Variants in REEP6 observed in about 807,000 individuals in gnomAD.
The protein encoded by REEP6 is receptor accessory protein 6.
A neutral mutation model predicts 22.4 loss-of-function variants in REEP6; 19 were observed. The ratio of observed to expected loss-of-function variants is 0.85; its 90% CI spans 0.59 to 1.25. REEP6 has a LOEUF of 1.25. Among genes scored for constraint, REEP6 ranks in the 50% most tolerant of loss-of-function variants. REEP6 has a pLI of 0.00. For synonymous variants in REEP6, 121 were observed against 113.6 expected, an observed-to-expected ratio of 1.06 and a Z score of -0.41; for missense variants, 273 against 251.9, an observed-to-expected ratio of 1.08 and a Z score of -0.57.
rs751049885 is a variant in REEP6 at position 1,491,546 on chromosome 19, C to T, written c.115+162C>T. Among the ~76,000 whole-genome samples, 18 of 152,258 alleles carry T rather than the reference C, an allele frequency of 1.2e-4. No individual in the cohort carries two copies. In the East Asian group the frequency reaches 2.5e-3, roughly 21 times the overall value. On this transcript the variant is annotated intron_variant, in intron 1 of 4. Coordinates refer to ENST00000233596, the MANE Select transcript of REEP6 (RefSeq NM_138393.4). This position sits in a 1 kb window ranked among gnomAD's most constrained non-coding sequence, Gnocchi z 5.4. ...GTCCGCCCGCAGCCCTTCCCTTGCC[C>T]GCGCCCTGCGACCCTGCTCCCGGGC...
At chr19:1,496,621 G>C (rs1228055760) in intron 4 of REEP6, 168 bp downstream of exon 4, 1 of 911,668 alleles carries the variant, frequency 1.1e-6, no homozygotes. Flanking sequence ...AGCCGGGCAG[G>C]CATCACCCCG....
Position 1,496,776 on chromosome 19 carries a change from T to G in REEP6, c.517+323T>G. 3 of 605,150 alleles carry G rather than the reference T, an allele frequency of 5.0e-6. No homozygotes were observed. In the South Asian group the frequency reaches 5.0e-5, roughly 10 times the overall value. 37.5% of individuals were successfully genotyped at this position (605,150 alleles called of 1,614,324 possible). On this transcript the variant is annotated intron_variant, in intron 4 of 4. Coordinates refer to ENST00000233596, the MANE Select transcript of REEP6 (RefSeq NM_138393.4). ...TGCTGTGTGCACATGTATTATTGTG[T>G]GTGCATGTTTTGTCATGTGCAAGAG... is the stretch of plus-strand genomic sequence containing the variant.
In REEP6 at chr19:1,496,631, G is replaced by A. The variant is rs112756320; in HGVS notation, c.517+178G>A. 6,926 of 850,348 alleles carry A rather than the reference G, an allele frequency of 8.1e-3. 386 individuals are homozygous for A. The African/African-American group carries it at 0.11, about 13-fold the overall frequency. The allele number at this position is 850,348 out of a possible 1,614,324, so 52.7% of individuals were successfully genotyped here. A position where few individuals can be genotyped will look rare whatever the true frequency, so the allele number is the denominator to read the frequency against. On this transcript the variant is annotated intron_variant, in intron 4 of 4. Coordinates refer to ENST00000233596, the MANE Select transcript of REEP6 (RefSeq NM_138393.4). The stretch of plus-strand genomic sequence containing the variant: ...CCCGTAGCCGGGCAGGCATCACCCC[G>A]GTGGCTGTGGCCGGGCCCTCCACTC...
chr19:1,492,315 CGG>C (rs2145472975), intron 1 of REEP6, among the ~76,000 whole-genome samples: 1 of 152,144 alleles, frequency 6.6e-6, no homozygotes, highest in South Asian at 2.1e-4. Flanking sequence ...CATGGTGAAA[CGG>C]GGTTTCACCA....
Position 1,491,367 on chromosome 19 carries a change from A to C in REEP6, c.98A>C (p.Lys33Thr). ...CTGGAGGCCAAGACCGGGGTGGAGA[A>C]GCGGTATCTGGCTGCAGGTGAGCCG... ...GALEAKTGVEKRYLAAGAVTL... is the reference protein window; with the variant it reads ...GALEAKTGVETRYLAAGAVTL... The change falls in exon 1 of 5, where the codon AAG becomes ACG. Residue 33 changes from lysine to threonine, a missense_variant. Lys to Thr is a moderately conservative substitution (Grantham distance 78). Coordinates refer to ENST00000233596, the MANE Select transcript of REEP6 (RefSeq NM_138393.4). This position sits in a 1 kb window ranked among gnomAD's most constrained non-coding sequence, Gnocchi z 5.4. 3.4e-6 allele frequency: 5 copies of C among 1,468,146 alleles called. No homozygotes were observed. Among genetic ancestry groups the C allele is most frequent in the Non-Finnish European group, 4.5e-6 (5 of 1,110,466 alleles). 90.9% of individuals were successfully genotyped at this position (1,468,146 alleles called of 1,614,324 possible). A position where few individuals can be genotyped will look rare whatever the true frequency, so the allele number is the denominator to read the frequency against.
chr19:1,497,544 A>G lies in REEP6; in HGVS notation c.*333A>G, dbSNP rs1050017. The G allele has an allele frequency of 0.39, 239,927 of 608,292 alleles. 49,951 individuals are homozygous for G. The highest frequency in any genetic ancestry group is 0.65 in the African/African-American group (35,412 of 54,628). The allele number at this position is 608,292 out of a possible 1,614,324, so 37.7% of individuals were successfully genotyped here. ...CACCCAGCCGCCTGGTACTTCCTCC[A>G]GCCCCTCCCAGTCAGCCCTCCCGTC... On this transcript the variant is annotated 3_prime_UTR_variant, in exon 5 of 5. Coordinates refer to ENST00000233596, the MANE Select transcript of REEP6 (RefSeq NM_138393.4). The surrounding 1 kb of genome is among the most constrained non-coding windows in gnomAD (Gnocchi z 6.5).
At chr19:1,492,789 C>G (rs1489052511) in intron 1 of REEP6, among the ~76,000 whole-genome samples, 1 of 152,216 alleles carries the variant, frequency 6.6e-6, no homozygotes, top group Non-Finnish European at 1.5e-5. Context: ...AGCGCCAGAA[C>G]AGTCTGAAGT....
intron 1 of REEP6, among the ~76,000 whole-genome samples, chr19:1,493,750 C>T (rs1459099508): frequency 6.7e-6 from 1 of 148,370 alleles, no homozygotes; most frequent in Non-Finnish European, 1.5e-5. Flanking sequence ...TCTGAACACC[C>T]TCCTTGCTGG....
Position 1,497,376 on chromosome 19 carries a change from AAGTCCC to A in REEP6, c.*177_*182del, listed in dbSNP as rs760024961. 1.8e-5 allele frequency: 13 copies of A among 741,504 alleles called. No individual in the cohort carries two copies. The highest frequency in any genetic ancestry group is 3.2e-5 in the Non-Finnish European group (13 of 408,460). The allele number at this position is 741,504 out of a possible 1,614,324, so 45.9% of individuals were successfully genotyped here. On this transcript the variant is annotated 3_prime_UTR_variant, in exon 5 of 5. Coordinates refer to ENST00000233596, the MANE Select transcript of REEP6 (RefSeq NM_138393.4). The surrounding 1 kb of genome is among the most constrained non-coding windows in gnomAD (Gnocchi z 6.5). ...GGTCTCCTTAAATGCCACCTCGGGCAAGTCCCAGTCCCAGTCCTCGGCCACCCCCAG... is the reference window on the plus strand; with the variant it reads ...GGTCTCCTTAAATGCCACCTCGGGCAAGTCCCAGTCCTCGGCCACCCCCAG...
In REEP6 at chr19:1,497,085, T is replaced by C. The variant is rs1379108001; in HGVS notation, c.518-89T>C. 4 of 1,110,172 alleles carry C rather than the reference T, an allele frequency of 3.6e-6. No homozygotes were observed. Among genetic ancestry groups the C allele is most frequent in the Non-Finnish European group, 5.0e-6 (4 of 797,326 alleles). The allele number at this position is 1,110,172 out of a possible 1,614,324, so 68.8% of individuals were successfully genotyped here. On this transcript the variant is annotated intron_variant, in intron 4 of 4. Transcript: ENST00000233596. The surrounding 1 kb of genome is among the most constrained non-coding windows in gnomAD (Gnocchi z 6.5). ...CCGGCCCCTCGACTTGTCATGCTCATAGCCAGTAGCCTCAGTCCCGCCTGC... is the reference window on the plus strand; with the variant it reads ...CCGGCCCCTCGACTTGTCATGCTCACAGCCAGTAGCCTCAGTCCCGCCTGC...
chr19:1,496,329 G>C lies in REEP6; in HGVS notation c.393G>C (p.Gly131=). The C allele has an allele frequency of 6.2e-7, 1 of 1,612,312 alleles. No homozygotes were observed. The highest frequency in any genetic ancestry group is 8.5e-7 in the Non-Finnish European group (1 of 1,179,544). ...GCATGGCTCCCAGGCCCTGGAACGG[G>C]GCTCTCATGCTGTATCAGCGCGTCG... is the stretch of plus-strand genomic sequence containing the variant. ...LFCMAPRPWN[G]ALMLYQRVVR... Residue 131 remains glycine, a synonymous_variant, in exon 4 of 5, where the codon GGG becomes GGC. Transcript: ENST00000233596.
intron 3 of REEP6, 64 bp from the exon 4 acceptor site, chr19:1,496,221 C>T (rs1478314046): frequency 1.3e-5 from 20 of 1,533,954 alleles, no homozygotes; most frequent in Non-Finnish European, 1.7e-5. Context: ...GTGGTGCAGC[C>T]CCTCTCCCCA....
chr19:1,495,505 C>T lies in REEP6; in HGVS notation c.246C>T (p.Asp82=). Residue 82 remains aspartate, a synonymous_variant, in exon 3 of 5, where the codon GAC becomes GAT. Transcript: ENST00000233596. ...TCGAGAGCCCAAGCAAGGACGACGACACTGTGTGGCTCACCTACTGGGTGG... is the reference window on the plus strand; with the variant it reads ...TCGAGAGCCCAAGCAAGGACGACGATACTGTGTGGCTCACCTACTGGGTGG... ...KAIESPSKDD[D]TVWLTYWVVY... 3 of 1,614,102 alleles carry T rather than the reference C, an allele frequency of 1.9e-6. No homozygotes were observed. Among genetic ancestry groups the T allele is most frequent in the Non-Finnish European group, 2.5e-6 (3 of 1,180,016 alleles).
Position 1,497,144 on chromosome 19 carries a change from G to GGGCCC in REEP6, c.518-30_518-29insGGCCC. ...CCGGGGAGCCCAGGCCTGCCTCACG[G>GGGCCC]CCCTCCCCCACCCGCCCCTCTCTCT... On this transcript the variant is annotated intron_variant, in intron 4 of 4. Transcript: ENST00000233596. This position sits in a 1 kb window ranked among gnomAD's most constrained non-coding sequence, Gnocchi z 6.5. 8 of 1,328,116 alleles carry GGGCCC rather than the reference G, an allele frequency of 6.0e-6. No homozygotes were observed. The highest frequency in any genetic ancestry group is 1.6e-5 in the South Asian group (1 of 63,936). 82.3% of individuals were successfully genotyped at this position (1,328,116 alleles called of 1,614,324 possible).
Position 1,497,158 on chromosome 19 carries a change from G to GCC in REEP6, c.518-13_518-12dup. 3 of 755,930 alleles carry GCC rather than the reference G, an allele frequency of 4.0e-6. No homozygotes were observed. Among genetic ancestry groups the GCC allele is most frequent in the Non-Finnish European group, 5.6e-6 (3 of 535,378 alleles). 46.8% of individuals were successfully genotyped at this position (755,930 alleles called of 1,614,324 possible). A position where few individuals can be genotyped will look rare whatever the true frequency, so the allele number is the denominator to read the frequency against. On this transcript the variant is annotated splice_polypyrimidine_tract_variant and intron_variant, in intron 4 of 4. Transcript: ENST00000233596. The surrounding 1 kb of genome is among the most constrained non-coding windows in gnomAD (Gnocchi z 6.5). ...CCTGCCTCACGGCCCTCCCCCACCC[G>GCC]CCCCTCTCTCTGCAGTCAAGCCAAG...
At chr19:1,494,741 A>C (rs749490869) in intron 1 of REEP6, among the ~76,000 whole-genome samples, 11 of 151,962 alleles carry the variant, frequency 7.2e-5, no homozygotes, top group Non-Finnish European at 1.3e-4. Context: ...CTGGAGTGCA[A>C]CGGCGCGATC....
chr19:1,492,385 C>A (rs996489842), intron 1 of REEP6, among the ~76,000 whole-genome samples: 1 of 152,134 alleles, frequency 6.6e-6, no homozygotes, highest in Non-Finnish European at 1.5e-5. Context: ...CCTCGGCCTC[C>A]CAAACTGCTG....
Position 1,496,243 on chromosome 19 carries a change from G to C in REEP6, c.349-42G>C, listed in dbSNP as rs745841811. On this transcript the variant is annotated intron_variant, in intron 3 of 4. Coordinates refer to ENST00000233596, the MANE Select transcript of REEP6 (RefSeq NM_138393.4). ...AGCCCCTCTCCCCACCAGGGGCACAGAGCTGGGTGGGCCCGCGTGTAACTC... is the reference window on the plus strand; with the variant it reads ...AGCCCCTCTCCCCACCAGGGGCACACAGCTGGGTGGGCCCGCGTGTAACTC... 3 of 1,574,046 alleles carry C rather than the reference G, an allele frequency of 1.9e-6. No homozygotes were observed. The South Asian group carries it at 3.4e-5, about 18-fold the overall frequency.
chr19:1,496,176 G>A, intron 3 of REEP6, 109 bp from the exon 4 acceptor site: 1 of 1,318,744 alleles, frequency 7.6e-7, no homozygotes, highest in Non-Finnish European at 1.0e-6. Context: ...TGATGGTGGA[G>A]ACCCAGTGCC....
Sources: gnomAD v4.1 joint callset for allele counts (sites outside exome capture counted in the v4.1 genomes callset) on GRCh38, gnomAD v4.1.1 for gene constraint, Gnocchi (gnomAD v3.1) non-coding constraint, MANE v1.5 for transcripts, NCBI Gene and HGNC (gene_info 2026-07-23, HGNC 2026-07-21) for gene names.